Variants in ADGRL2 observed in about 807,000 individuals in gnomAD.
The protein encoded by ADGRL2 is adhesion G protein-coupled receptor L2, also known as calcium-independent alpha-latrotoxin receptor 2.
ADGRL2 carries 44 observed loss-of-function variants against 157.4 expected under a neutral mutation model. The ratio of observed to expected loss-of-function variants is 0.28; its 90% CI spans 0.22 to 0.36. The LOEUF is 0.36. Ranked by LOEUF, ADGRL2 falls within the 10% of genes least tolerant of loss-of-function variation. The pLI is 1.00. For missense variants in ADGRL2, 1,510 were observed against 1,768.9 expected (o/e 0.85, Z 2.63); for synonymous variants, 585 against 624.7 (o/e 0.94, Z 0.95).
At chr1:81,987,629 T>G (rs1183493977) in intron 22 of ADGRL2, among the ~76,000 whole-genome samples, 1 of 151,634 alleles carries the variant, frequency 6.6e-6, no homozygotes, top group African/African-American at 2.4e-5. Context: ...ACTATGTTGT[T>G]TAATAGCTTA....
At chr1:81,439,751 G>T (rs1169010119) in intron 1 of ADGRL2, among the ~76,000 whole-genome samples, 1 of 152,230 alleles carries the variant, frequency 6.6e-6, no homozygotes, top group African/African-American at 2.4e-5. Context: ...CAGCTCAGTT[G>T]GTCCCTTGCC....
intron 2 of ADGRL2, chr1:81,502,816 A>G: frequency 6.2e-7 from 1 of 1,612,118 alleles, no homozygotes; most frequent in Non-Finnish European, 8.5e-7. Flanking sequence ...TGCTGCGGCT[A>G]CTGCTGCTGC....
intron 1 of ADGRL2, among the ~76,000 whole-genome samples, chr1:81,323,411 ATTTTTTTTT>A (rs138358062): frequency 1.8e-5 from 2 of 109,744 alleles, no homozygotes; most frequent in East Asian, 2.7e-4. Flanking sequence ...GACTAATTCA[ATTTTTTTTT>A]TTTTTTTTTT....
rs562505755 is a variant in ADGRL2, at chr1:81,454,601, G to C, written c.-248+9512G>C. ...TCTTCTGCATTAAACCTACCTGAAG[G>C]TTTCCTCTTGGAATCAGCCAGGAAA... On this transcript the variant is annotated intron_variant, in intron 2 of 24. Coordinates refer to the ADGRL2 transcript ENST00000370721. Among the ~76,000 whole-genome samples the C allele has an allele frequency of 7.0e-4, 106 of 152,248 alleles. 1 individual carries two copies. The highest frequency in any genetic ancestry group is 2.4e-3 in the African/African-American group (101 of 41,562).
chr1:81,967,047 A>G (rs188793879), intron 13 of ADGRL2, among the ~76,000 whole-genome samples: 88 of 152,274 alleles, frequency 5.8e-4, no homozygotes, highest in African/African-American at 2.1e-3. Flanking sequence ...GTGTTTAAAA[A>G]AACAGTTGAG....
intron 2 of ADGRL2, chr1:81,502,687 G>A: frequency 6.2e-7 from 1 of 1,613,476 alleles, no homozygotes; most frequent in Middle Eastern, 1.7e-4. Context: ...GTATCTGTAT[G>A]CCTATGAGTG....
intron 2 of ADGRL2, among the ~76,000 whole-genome samples, chr1:81,841,676 C>T (rs1053262676): frequency 9.9e-5 from 15 of 152,086 alleles, no homozygotes; most frequent in South Asian, 2.1e-4. Flanking sequence ...TATGTGCACG[C>T]GCATACACGT....
intron 2 of ADGRL2, among the ~76,000 whole-genome samples, chr1:81,842,388 C>T (rs150614256): frequency 0.023 from 2,521 of 111,872 alleles, 44 homozygotes; most frequent in Middle Eastern, 0.053. Context: ...GATGGAGTCT[C>T]ACTCTGTCTC....
chr1:81,483,687 A>G (rs2078439508), intron 2 of ADGRL2, among the ~76,000 whole-genome samples: 1 of 152,168 alleles, frequency 6.6e-6, no homozygotes, highest in South Asian at 2.1e-4. Flanking sequence ...TTAGATTATA[A>G]AAATGGGAGA....
At chr1:81,356,869 C>T (rs1042213991) in intron 1 of ADGRL2, among the ~76,000 whole-genome samples, 8 of 142,588 alleles carry the variant, frequency 5.6e-5, no homozygotes, top group South Asian at 2.4e-4. Flanking sequence ...AGGAGAATGG[C>T]GTGAACCCGG....
chr1:81,662,112 G>A (rs1202038296), intron 3 of ADGRL2, among the ~76,000 whole-genome samples: 3 of 151,716 alleles, frequency 2.0e-5, no homozygotes, highest in East Asian at 3.9e-4. Context: ...TGGAGAATGG[G>A]GTATCCATCC....
intron 3 of ADGRL2, among the ~76,000 whole-genome samples, chr1:81,691,885 T>C (rs781222983): frequency 2.0e-5 from 3 of 147,618 alleles, no homozygotes; most frequent in Non-Finnish European, 4.5e-5. Context: ...TGTGTGTATA[T>C]ATATATATAT....
intron 1 of ADGRL2, among the ~76,000 whole-genome samples, chr1:81,806,860 A>G (rs1457246678): frequency 6.6e-6 from 1 of 152,048 alleles, no homozygotes; most frequent in East Asian, 1.9e-4. Context: ...AGTTTCACAT[A>G]AGGTGCTATT....
intron 2 of ADGRL2, among the ~76,000 whole-genome samples, chr1:81,778,913 C>A (rs1025446867): frequency 6.6e-6 from 1 of 152,122 alleles, no homozygotes; most frequent in African/African-American, 2.4e-5. Flanking sequence ...CTTATTCAAC[C>A]AAATAGTAAC....
intron 3 of ADGRL2, among the ~76,000 whole-genome samples, chr1:81,642,431 GAA>G (rs1327947310): frequency 9.6e-6 from 1 of 104,062 alleles, no homozygotes; most frequent in Non-Finnish European, 2.0e-5. Context: ...AAAAAGAAAA[GAA>G]AAAAAAAAAA....
intron 3 of ADGRL2, among the ~76,000 whole-genome samples, chr1:81,650,589 AAAAAGAAAAAG>A (rs2082399840): frequency 6.6e-6 from 1 of 151,314 alleles, no homozygotes; most frequent in South Asian, 2.1e-4. Flanking sequence ...AAAAAAAAAA[AAAAAGAAAAAG>A]AAAAGAAAAG....
chr1:81,686,226 T>A lies in ADGRL2; in HGVS notation c.-142-75585T>A, dbSNP rs548381748. 3.9e-5 allele frequency among the ~76,000 whole-genome samples: 6 copies of A among 152,340 alleles called. No individual in the cohort carries two copies. The South Asian group carries it at 1.2e-3, about 32-fold the overall frequency. On this transcript the variant is annotated intron_variant, in intron 3 of 24. Coordinates refer to the ADGRL2 transcript ENST00000370721. ...AAAAGGATTAATACCAATTATTCTT[T>A]GAATGTCTGGTAGAATTCTGCTGTG...
chr1:81,763,464 C>T (rs2085973826), intron 2 of ADGRL2, among the ~76,000 whole-genome samples: 3 of 151,422 alleles, frequency 2.0e-5, no homozygotes, highest in Admixed American at 1.3e-4. Context: ...TGGTGAGTCC[C>T]TATAATCCCA....
intron 2 of ADGRL2, among the ~76,000 whole-genome samples, chr1:81,469,644 G>A (rs972866092): frequency 2.0e-5 from 3 of 152,010 alleles, no homozygotes; most frequent in South Asian, 2.1e-4. Context: ...AACCACAGGC[G>A]GGCTCTATTC....
Sources: gnomAD v4.1 joint callset for allele counts (sites outside exome capture counted in the v4.1 genomes callset) on GRCh38, gnomAD v4.1.1 for gene constraint, MANE v1.5 for transcripts, NCBI Gene and HGNC (gene_info 2026-07-23, HGNC 2026-07-21) for gene names.